DOK7: variants seen among roughly 807,000 people sequenced by gnomAD.
DOK7 encodes the protein protein Dok-7.
Under a neutral mutation model 30.7 loss-of-function variants are expected in DOK7, and 32 were observed. That is an observed-to-expected ratio of 1.04 (90% CI 0.79 to 1.40). The LOEUF is 1.40. DOK7 is among the 40% of genes most tolerant of loss of function. The pLI is 0.00. For missense variants in DOK7, 1,007 were observed against 699.2 expected, an observed-to-expected ratio of 1.44 and a Z score of -4.97; for synonymous variants, 447 against 324.1, an observed-to-expected ratio of 1.38 and a Z score of -4.07.
At chr4:3,494,575 G>A, downstream of DOK7, 1 of 955,868 alleles carries the variant, frequency 1.0e-6, no homozygotes, top group Non-Finnish European at 1.2e-6. Context: ...CCCGGGCCCG[G>A]CTTCCCTGGC....
chr4:3,491,094 T>C (rs1490176343), intron 6 of DOK7, among the ~76,000 whole-genome samples: 2 of 116,726 alleles, frequency 1.7e-5, no homozygotes, highest in Non-Finnish European at 3.4e-5. Context: ...CTCCTGCTCA[T>C]TAATTCCTTC....
chr4:3,496,930 G>T, downstream of DOK7: 1 of 939,640 alleles, frequency 1.1e-6, no homozygotes, highest in South Asian at 1.5e-5. Context: ...GGGCGCAGAT[G>T]GCAGCCAGAG....
rs770455064 is a variant in DOK7, at chr4:3,493,548, C to T, written c.*47C>T. ...GGCTGCAAAGGGGCTGAATTTGCCC[C>T]CAGATGGCAGAGGAAGTGGCGCCAG... On this transcript the variant is annotated 3_prime_UTR_variant, in exon 7 of 7. Coordinates refer to ENST00000340083, the MANE Select transcript of DOK7 (RefSeq NM_173660.5). The T allele has an allele frequency of 1.6e-5, 25 of 1,595,542 alleles. No homozygotes were observed. Among genetic ancestry groups the T allele is most frequent in the Non-Finnish European group, 6.8e-6 (8 of 1,171,352 alleles).
At chr4:3,468,585 TGA>T (rs1272278610) in intron 2 of DOK7, among the ~76,000 whole-genome samples, 6 of 151,318 alleles carry the variant, frequency 4.0e-5, no homozygotes, top group Admixed American at 3.9e-4. Flanking sequence ...TGTGCTTGTC[TGA>T]GTGTGCGTGT....
At chr4:3,467,853 C>T (rs965100875) in intron 2 of DOK7, among the ~76,000 whole-genome samples, 1 of 152,168 alleles carries the variant, frequency 6.6e-6, no homozygotes, top group African/African-American at 2.4e-5. Flanking sequence ...TGTCCTGCTG[C>T]ATAGGTGGCG....
At chr4:3,476,900 C>T (rs1210780135) in intron 4 of DOK7, among the ~76,000 whole-genome samples, 2 of 152,254 alleles carry the variant, frequency 1.3e-5, no homozygotes, top group Admixed American at 1.3e-4. Flanking sequence ...GGAGTGTGAG[C>T]TCCCGCATAA....
chr4:3,494,594 C>CAGAG (rs954475358), downstream of DOK7: 6 of 906,406 alleles, frequency 6.6e-6, no homozygotes, highest in African/African-American at 1.1e-4. Flanking sequence ...GCCTTTATCT[C>CAGAG]AGAGAGTGCG....
intron 5 of DOK7, 52 bp from the exon 6 acceptor site, chr4:3,489,625 G>GA: frequency 6.4e-7 from 1 of 1,555,156 alleles, no homozygotes; most frequent in Non-Finnish European, 8.7e-7. Context: ...GCCTGCGGGC[G>GA]AGGGTGGGCG....
chr4:3,463,728 G>A (rs1263304533), intron 2 of DOK7, among the ~76,000 whole-genome samples, 177 bp downstream of exon 2: 1 of 152,312 alleles, frequency 6.6e-6, no homozygotes, highest in East Asian at 1.9e-4. Flanking sequence ...TGGGGGCCCT[G>A]GACGGAAGAA....
At chr4:3,488,233 AG>A (rs1727943515) in intron 5 of DOK7, among the ~76,000 whole-genome samples, 1 of 152,152 alleles carries the variant, frequency 6.6e-6, no homozygotes, top group Admixed American at 6.5e-5. Flanking sequence ...GGCCATACCC[AG>A]AGGTGGGGGA....
At chr4:3,473,803 C>T (rs879455541) in intron 3 of DOK7, among the ~76,000 whole-genome samples, 167 bp downstream of exon 3, 8 of 152,102 alleles carry the variant, frequency 5.3e-5, no homozygotes, top group Non-Finnish European at 8.8e-5. Flanking sequence ...GGGGTGCCCA[C>T]GAGGGTTTGG....
downstream of DOK7, chr4:3,496,705 G>A (rs1025129444): frequency 1.7e-6 from 2 of 1,205,156 alleles, no homozygotes; most frequent in South Asian, 1.5e-5. Context: ...AGGTGACCCA[G>A]GTCCCCCAGC....
At chr4:3,476,656 A>C (rs1165365682) in intron 4 of DOK7, 114 bp downstream of exon 4, 2 of 1,371,378 alleles carry the variant, frequency 1.5e-6, no homozygotes, top group East Asian at 4.7e-5. Context: ...TGGCATTTCC[A>C]GAATGCGCCG....
intron 6 of DOK7, among the ~76,000 whole-genome samples, chr4:3,490,179 GCCC>G (rs147262792): frequency 3.7e-5 from 1 of 27,116 alleles, no homozygotes; most frequent in Admixed American, 5.5e-4. Flanking sequence ...TTCTTCCTCC[GCCC>G]CCCCCACTCA....
intron 2 of DOK7, among the ~76,000 whole-genome samples, chr4:3,472,269 T>C (rs1726803092): frequency 6.6e-6 from 1 of 152,228 alleles, no homozygotes; most frequent in Non-Finnish European, 1.5e-5. Context: ...GGATTTTGGT[T>C]CTCACGTGGC....
intron 7 of DOK7, chr4:3,500,557 G>A: frequency 6.7e-7 from 1 of 1,488,696 alleles, no homozygotes. Context: ...TCCATCCCTG[G>A]CCAGGCCACA....
intron 6 of DOK7, among the ~76,000 whole-genome samples, chr4:3,492,243 C>G (rs1728516862): frequency 6.6e-6 from 1 of 151,882 alleles, no homozygotes; most frequent in Admixed American, 6.6e-5. Flanking sequence ...GCAAGGACGC[C>G]AGCATGGTGA....
At chr4:3,468,878 C>T (rs867717269) in intron 2 of DOK7, among the ~76,000 whole-genome samples, 11 of 125,664 alleles carry the variant, frequency 8.8e-5, no homozygotes, top group African/African-American at 1.3e-4. Flanking sequence ...TGCCTGTGTA[C>T]GAGTGTGCCT....
chr4:3,478,186 G>T (rs1293325429), intron 4 of DOK7, among the ~76,000 whole-genome samples: 1 of 152,216 alleles, frequency 6.6e-6, no homozygotes, highest in African/African-American at 2.4e-5. Context: ...CACCCTCTAA[G>T]CCGGGGCACA....
Sources: gnomAD v4.1 joint callset for allele counts (sites outside exome capture counted in the v4.1 genomes callset) on GRCh38, gnomAD v4.1.1 for gene constraint, MANE v1.5 for transcripts, NCBI Gene and HGNC (gene_info 2026-07-23, HGNC 2026-07-21) for gene names.